MME: variants seen among roughly 807,000 people sequenced by gnomAD.
The protein encoded by MME is membrane metalloendopeptidase.
In MME, 98 loss-of-function variants were observed where a neutral mutation model predicts 113.2. That is an observed-to-expected ratio of 0.87 (90% CI 0.74 to 1.02). The LOEUF (loss-of-function observed/expected upper bound fraction) is 1.02, where lower values mean the gene tolerates loss of function less well. MME is among the 50% of genes least tolerant of loss of function. The pLI, the probability that MME is intolerant of heterozygous loss-of-function variation, is 0.00. For synonymous variants in MME, 292 were observed against 300.6 expected (o/e 0.97, Z 0.30); for missense variants, 836 against 896.0 (o/e 0.93, Z 0.86).
chr3:155,070,099 C>T (rs1292596756), intron 1 of MME, among the ~76,000 whole-genome samples: 2 of 152,168 alleles, frequency 1.3e-5, no homozygotes, highest in African/African-American at 4.8e-5. Context: ...AAAAGCAAGA[C>T]AATCATATTG....
chr3:155,110,258 G>A (rs758867072), intron 3 of MME, among the ~76,000 whole-genome samples: 2 of 152,118 alleles, frequency 1.3e-5, no homozygotes, highest in Non-Finnish European at 2.9e-5. Context: ...TGGGCTCAGA[G>A]CCATACATGC....
chr3:155,141,747 C>T (rs61758193), intron 10 of MME, among the ~76,000 whole-genome samples: 43 of 152,076 alleles, frequency 2.8e-4, no homozygotes, highest in Non-Finnish European at 5.4e-4. Flanking sequence ...GACATTAAGC[C>T]TAATTTCTAG....
intron 1 of MME, among the ~76,000 whole-genome samples, chr3:155,044,250 A>G (rs1028189582): frequency 4.1e-5 from 6 of 147,804 alleles, no homozygotes; most frequent in Non-Finnish European, 7.4e-5. Flanking sequence ...CTCCTGCCTC[A>G]GCTTCTGGAG....
chr3:155,084,003 G>T, intron 1 of MME, 155 bp from the exon 2 acceptor site: 1 of 664,962 alleles, frequency 1.5e-6, no homozygotes, highest in African/African-American at 1.8e-5. Flanking sequence ...TATATACTTT[G>T]CATTCAGCAA....
rs959336359 is a variant in MME, at chr3:155,119,411, T to C, written c.720+600T>C. Reference sequence around the variant, plus strand: ...CCCTTGGGCTGATGTTCACGTGCTCTTTTTTTTTTTTTTTTTTTATTATAC... The same window carrying C: ...CCCTTGGGCTGATGTTCACGTGCTCCTTTTTTTTTTTTTTTTTTATTATAC... On this transcript the variant is annotated intron_variant, in intron 8 of 22. Transcript: ENST00000360490. Among the ~76,000 whole-genome samples the C allele has an allele frequency of 2.1e-3, 183 of 85,726 alleles. 2 individuals are homozygous for C. The highest frequency in any genetic ancestry group is 8.0e-3 in the African/African-American group (165 of 20,546). 56.2% of individuals were successfully genotyped at this position (85,726 alleles called of 152,430 possible).
chr3:155,084,239 G>A lies in MME; in HGVS notation c.72G>A (p.Trp24Ter). The A allele has an allele frequency of 6.2e-7, 1 of 1,614,062 alleles. No homozygotes were observed. The highest frequency in any genetic ancestry group is 8.5e-7 in the Non-Finnish European group (1 of 1,179,988). Reference protein sequence around the residue: ...NTPKPKKKQRWTPLEISLSVL... With the variant: ...NTPKPKKKQR ...CAAAGCCAAAGAAGAAACAGCGATG[G>A]ACTCCACTGGAGATCAGCCTCTCGG... Residue 24 changes from tryptophan (W) to a stop codon, truncating the protein, a stop_gained, in exon 2 of 23, where the codon TGG becomes TGA. Coordinates refer to ENST00000360490, the MANE Select transcript of MME (RefSeq NM_007289.4). LOFTEE classifies it high-confidence loss of function.
intron 1 of MME, among the ~76,000 whole-genome samples, chr3:155,062,899 G>A (rs955648339): frequency 6.6e-6 from 1 of 151,076 alleles, no homozygotes; most frequent in African/African-American, 2.4e-5. Context: ...AGCTGGGCAT[G>A]GTGGCACATG....
intron 17 of MME, 107 bp from the exon 18 acceptor site, chr3:155,166,795 C>T (rs761975496): frequency 1.3e-5 from 18 of 1,394,742 alleles, no homozygotes; most frequent in Middle Eastern, 3.6e-4. Flanking sequence ...TGGTGGCATG[C>T]GCCTGTAGTC....
chr3:155,087,051 T>A (rs935736584), intron 3 of MME, among the ~76,000 whole-genome samples: 1 of 150,584 alleles, frequency 6.6e-6, no homozygotes, highest in Admixed American at 6.6e-5. Flanking sequence ...TGCCCAAGCT[T>A]GGTCTTGAAC....
chr3:155,063,759 C>A lies in MME; in HGVS notation c.-10-20399C>A, dbSNP rs371980795. Among the ~76,000 whole-genome samples the A allele has an allele frequency of 1.1e-3, 166 of 144,888 alleles. 3 individuals carry two copies. The highest frequency in any genetic ancestry group is 3.4e-3 in the African/African-American group (132 of 38,928). ...TCCCCCAAATGAGCCTTTTCCTCCT[C>A]TGCACCTTTTCCCAAAAAGATGCCT... On this transcript the variant is annotated intron_variant, in intron 1 of 22. Coordinates refer to the MME transcript ENST00000492661.
At chr3:155,031,459 G>A (rs559681385) in intron 1 of MME, among the ~76,000 whole-genome samples, 1 of 152,072 alleles carries the variant, frequency 6.6e-6, no homozygotes, top group East Asian at 1.9e-4. Context: ...AGATCATAGA[G>A]GAAGAAGAAG....
At chr3:155,069,914 T>G (rs1714498998) in intron 1 of MME, among the ~76,000 whole-genome samples, 1 of 152,078 alleles carries the variant, frequency 6.6e-6, no homozygotes, top group Non-Finnish European at 1.5e-5. Flanking sequence ...GAGAACTGCC[T>G]CCCTACCCAG....
chr3:155,042,897 G>GTTTT (rs1397731943), intron 1 of MME, among the ~76,000 whole-genome samples: 1 of 65,116 alleles, frequency 1.5e-5, no homozygotes, highest in East Asian at 7.1e-4. Context: ...CCAATAGTAG[G>GTTTT]TTTTATATAT....
At chr3:155,057,932 T>A (rs779015771) in intron 1 of MME, among the ~76,000 whole-genome samples, 21 of 152,146 alleles carry the variant, frequency 1.4e-4, no homozygotes, top group Non-Finnish European at 2.9e-4. Context: ...CTTTTGTACA[T>A]CTTATAGTTG....
intron 1 of MME, among the ~76,000 whole-genome samples, chr3:155,083,345 T>C (rs186931919): frequency 1.3e-5 from 2 of 152,300 alleles, no homozygotes; most frequent in East Asian, 3.9e-4. Context: ...ACATCTCCAG[T>C]TGAGGTGAAA....
upstream of MME, among the ~76,000 whole-genome samples, chr3:155,074,740 T>C (rs1714688590): frequency 6.6e-6 from 1 of 152,160 alleles, no homozygotes; most frequent in Admixed American, 6.5e-5. Context: ...CCAATTTATG[T>C]GTTATTTTAA....
chr3:155,129,928 G>A (rs1011489922), intron 8 of MME, among the ~76,000 whole-genome samples: 2 of 152,158 alleles, frequency 1.3e-5, no homozygotes, highest in South Asian at 4.1e-4. Flanking sequence ...TTGATTCACT[G>A]AGAGAAATGA....
chr3:155,104,669 C>T (rs1053423367), intron 3 of MME, among the ~76,000 whole-genome samples: 7 of 152,290 alleles, frequency 4.6e-5, no homozygotes, highest in Middle Eastern at 3.4e-3. Context: ...TGGGTGTGGA[C>T]CCCCATTGCT....
In MME at chr3:155,155,241, A is replaced by T. The variant is rs73875833; in HGVS notation, c.1602-5149A>T. Among the ~76,000 whole-genome samples the T allele has an allele frequency of 5.9e-3, 897 of 152,312 alleles. 8 individuals carry two copies. The highest frequency in any genetic ancestry group is 0.021 in the African/African-American group (864 of 41,566). ...TAATTTAAAGGCTGAAATTTTAGGT[A>T]GTTCTTTTTTAAAAACAAAACGAAA... On this transcript the variant is annotated intron_variant, in intron 16 of 22. Transcript: ENST00000360490.
Sources: allele counts gnomAD v4.1 joint callset (sites outside exome capture counted in the v4.1 genomes callset), GRCh38; gene constraint gnomAD v4.1.1; transcripts MANE v1.5; gene names NCBI Gene and HGNC (gene_info 2026-07-23, HGNC 2026-07-21).